Variants in MACROD2 observed in about 807,000 individuals in gnomAD.
MACROD2 encodes mono-ADP ribosylhydrolase 2.
In MACROD2, 36 loss-of-function variants were observed where a neutral mutation model predicts 70.4. The ratio of observed to expected loss-of-function variants is 0.51; its 90% CI spans 0.39 to 0.68. The LOEUF (loss-of-function observed/expected upper bound fraction) is 0.68. Ranked by LOEUF, MACROD2 falls within the 30% of genes least tolerant of loss-of-function variation. MACROD2 has a pLI of 0.00. For missense variants in MACROD2, 496 were observed against 538.4 expected (o/e 0.92, Z 0.78); for synonymous variants, 172 against 178.8 (o/e 0.96, Z 0.30).
At chr20:14,522,568 T>C (rs1225075647) in intron 4 of MACROD2, among the ~76,000 whole-genome samples, 1 of 152,262 alleles carries the variant, frequency 6.6e-6, no homozygotes, top group Non-Finnish European at 1.5e-5. Context: ...TGGCCTGTAC[T>C]GCACAGGTCT....
chr20:14,753,954 A>T (rs770627162), intron 5 of MACROD2, among the ~76,000 whole-genome samples: 8 of 152,116 alleles, frequency 5.3e-5, no homozygotes, highest in Non-Finnish European at 1.0e-4. Context: ...TATGTGGCAA[A>T]AATAGATGAG....
intron 5 of MACROD2, among the ~76,000 whole-genome samples, chr20:14,805,007 G>A (rs1411709197): frequency 1.3e-5 from 2 of 151,958 alleles, no homozygotes; most frequent in Non-Finnish European, 2.9e-5. Context: ...TTAAGTTGAT[G>A]TCTGTGGAGC....
intron 3 of MACROD2, among the ~76,000 whole-genome samples, chr20:14,213,588 C>T (rs1009679690): frequency 4.6e-5 from 7 of 151,598 alleles, no homozygotes; most frequent in African/African-American, 1.2e-4. Flanking sequence ...CAAATCTTAC[C>T]GGGATATAGC....
chr20:14,725,748 G>A (rs78073960), intron 5 of MACROD2, among the ~76,000 whole-genome samples: 7 of 152,200 alleles, frequency 4.6e-5, no homozygotes, highest in South Asian at 2.1e-4. Context: ...CAGAGTAGCC[G>A]CCCCAGAGGG....
chr20:15,535,036 T>G (rs557586470), intron 8 of MACROD2, among the ~76,000 whole-genome samples: 124 of 152,218 alleles, frequency 8.1e-4, no homozygotes, highest in Middle Eastern at 3.4e-3. Flanking sequence ...AATACAGTGG[T>G]GTGGTCATGG....
At chr20:14,330,617 A>G (rs1277239715) in intron 3 of MACROD2, among the ~76,000 whole-genome samples, 1 of 152,146 alleles carries the variant, frequency 6.6e-6, no homozygotes, top group Non-Finnish European at 1.5e-5. Flanking sequence ...AGTGAAAACA[A>G]TTACAGATAC....
chr20:15,484,602 T>A (rs2047141479), intron 7 of MACROD2, among the ~76,000 whole-genome samples: 1 of 152,220 alleles, frequency 6.6e-6, no homozygotes, highest in African/African-American at 2.4e-5. Context: ...AAGGCAGGCC[T>A]TATTATGACA....
intron 4 of MACROD2, among the ~76,000 whole-genome samples, chr20:14,590,724 C>T (rs1799951071): frequency 6.6e-6 from 1 of 152,036 alleles, no homozygotes. Flanking sequence ...GAAAATATTT[C>T]ATTTTATTTG....
intron 3 of MACROD2, among the ~76,000 whole-genome samples, chr20:14,292,673 C>T (rs926953062): frequency 3.9e-5 from 6 of 151,996 alleles, no homozygotes; most frequent in African/African-American, 9.7e-5. Flanking sequence ...TCACTCTTGT[C>T]GCCCAGGCTG....
intron 2 of MACROD2, among the ~76,000 whole-genome samples, chr20:14,013,274 T>TTC (rs1272600129): frequency 4.0e-5 from 4 of 100,234 alleles, no homozygotes; most frequent in Non-Finnish European, 8.9e-5. Context: ...CTGTACTTTC[T>TTC]TTTTTTTTTT....
intron 10 of MACROD2, among the ~76,000 whole-genome samples, chr20:15,907,699 C>A (rs1460666151): frequency 3.3e-5 from 5 of 152,132 alleles, no homozygotes; most frequent in Non-Finnish European, 7.4e-5. Context: ...TTTGCTAATT[C>A]TTCTCATTGG....
intron 3 of MACROD2, among the ~76,000 whole-genome samples, chr20:14,464,019 G>C (rs988419629): frequency 2.6e-5 from 4 of 151,964 alleles, no homozygotes; most frequent in Non-Finnish European, 4.4e-5. Flanking sequence ...TCTCTGCCAG[G>C]CTTTGGTATC....
intron 15 of MACROD2, among the ~76,000 whole-genome samples, chr20:16,010,928 C>G (rs527786679): frequency 2.4e-4 from 37 of 152,346 alleles, no homozygotes; most frequent in African/African-American, 8.2e-4. Flanking sequence ...CTTTTAGAAA[C>G]CAAGCCAGTG....
intron 6 of MACROD2, among the ~76,000 whole-genome samples, chr20:15,297,568 C>T (rs2077602385): frequency 6.6e-6 from 1 of 152,162 alleles, no homozygotes; most frequent in South Asian, 2.1e-4. Context: ...GGGTTTTTCT[C>T]ATTTATTTCA....
chr20:15,706,773 C>A (rs1460509131), intron 8 of MACROD2, among the ~76,000 whole-genome samples: 1 of 152,114 alleles, frequency 6.6e-6, no homozygotes, highest in Non-Finnish European at 1.5e-5. Context: ...TCTTTATCAC[C>A]ATCATAATTC....
intron 8 of MACROD2, among the ~76,000 whole-genome samples, chr20:15,556,911 T>C (rs1048836131): frequency 2.6e-5 from 4 of 152,208 alleles, no homozygotes; most frequent in African/African-American, 9.6e-5. Flanking sequence ...CTCTTGCCCT[T>C]AGAATCAGTT....
intron 3 of MACROD2, among the ~76,000 whole-genome samples, chr20:14,462,385 GT>G (rs1181002507): frequency 2.0e-5 from 3 of 151,884 alleles, no homozygotes; most frequent in Admixed American, 1.3e-4. Context: ...GGGGTTGTTT[GT>G]TTTTTTCTTG....
intron 13 of MACROD2, among the ~76,000 whole-genome samples, chr20:15,983,069 GT>G (rs1172031648): frequency 1.3e-5 from 2 of 152,182 alleles, no homozygotes; most frequent in African/African-American, 2.4e-5. Context: ...GCCAACATGA[GT>G]TTTTCTTTTT....
intron 3 of MACROD2, among the ~76,000 whole-genome samples, chr20:14,263,009 G>T (rs1314249388): frequency 6.6e-6 from 1 of 152,122 alleles, no homozygotes; most frequent in Non-Finnish European, 1.5e-5. Context: ...TGAAGAAGAG[G>T]TCAGTAGAGA....
Sources: gnomAD v4.1 joint callset for allele counts (sites outside exome capture counted in the v4.1 genomes callset) on GRCh38, gnomAD v4.1.1 for gene constraint, MANE v1.5 for transcripts, NCBI Gene and HGNC (gene_info 2026-07-23, HGNC 2026-07-21) for gene names.